The following MMS22L variants were observed in gnomAD, a reference collection of about 807,000 sequenced individuals.
The protein encoded by MMS22L is protein MMS22-like.
A neutral mutation model predicts 159.1 loss-of-function variants in MMS22L; 74 were observed. The ratio of observed to expected loss-of-function variants is 0.47; its 90% CI spans 0.39 to 0.56. The LOEUF (loss-of-function observed/expected upper bound fraction) is 0.56. Ranked by LOEUF, MMS22L falls within the 20% of genes least tolerant of loss-of-function variation. The pLI is 0.00. For synonymous variants in MMS22L, 517 were observed against 506.9 expected (o/e 1.02, Z -0.27); for missense variants, 1,351 against 1,422.1 (o/e 0.95, Z 0.80).
intron 14 of MMS22L, among the ~76,000 whole-genome samples, chr6:97,212,005 T>A (rs1808432470): frequency 6.6e-6 from 1 of 152,236 alleles, no homozygotes; most frequent in African/African-American, 2.4e-5. Flanking sequence ...ACATGCTTTA[T>A]TTTATGTAGG....
At chr6:97,177,874 A>G in intron 18 of MMS22L, among the ~76,000 whole-genome samples, 1 of 152,188 alleles carries the variant, frequency 6.6e-6, no homozygotes, top group Non-Finnish European at 1.5e-5. Context: ...ATCCAAACAC[A>G]TTAACAACTA....
intron 22 of MMS22L, among the ~76,000 whole-genome samples, chr6:97,153,862 T>G (rs1380229721): frequency 6.6e-6 from 1 of 152,186 alleles, no homozygotes; most frequent in African/African-American, 2.4e-5. Flanking sequence ...TTTAAATTGA[T>G]CCATCAAACG....
At chr6:97,179,653 A>T in intron 16 of MMS22L, 94 bp from the exon 17 acceptor site, 1 of 1,095,648 alleles carries the variant, frequency 9.1e-7, no homozygotes, top group Non-Finnish European at 1.2e-6. Flanking sequence ...CATCCCTGCA[A>T]CTCCTTGGCC....
intron 22 of MMS22L, among the ~76,000 whole-genome samples, chr6:97,159,446 C>A (rs1309041609): frequency 6.6e-6 from 1 of 151,876 alleles, no homozygotes; most frequent in African/African-American, 2.4e-5. Flanking sequence ...TTATTTCTCT[C>A]CCTTTTTGTG....
At chr6:97,245,069 T>C (rs1230479982) in intron 11 of MMS22L, among the ~76,000 whole-genome samples, 1 of 152,080 alleles carries the variant, frequency 6.6e-6, no homozygotes, top group Non-Finnish European at 1.5e-5. Flanking sequence ...CCAACAGAGC[T>C]GAATTTATAT....
chr6:97,242,918 A>G (rs1812236509), intron 11 of MMS22L, among the ~76,000 whole-genome samples: 1 of 152,178 alleles, frequency 6.6e-6, no homozygotes, highest in African/African-American at 2.4e-5. Context: ...AATCCCTTCT[A>G]GCTTGTATTC....
chr6:97,231,687 A>C (rs776795822), intron 12 of MMS22L, 35 bp from the exon 13 acceptor site: 1 of 1,442,648 alleles, frequency 6.9e-7, no homozygotes, highest in Admixed American at 1.8e-5. Context: ...GAAAACAATT[A>C]TTAGTCTCTT....
At chr6:97,240,679 T>A (rs1201759148) in intron 11 of MMS22L, among the ~76,000 whole-genome samples, 1 of 151,738 alleles carries the variant, frequency 6.6e-6, no homozygotes, top group Non-Finnish European at 1.5e-5. Flanking sequence ...TAGGCTATAG[T>A]GCAATGGCGT....
At position 97,192,503 on chromosome 6, in the gene MMS22L, T is replaced by C. The variant is rs140131853; in HGVS notation, c.2040-5813A>G. 1.1e-3 allele frequency among the ~76,000 whole-genome samples: 163 copies of C among 152,284 alleles called. 1 individual carries two copies. The highest frequency in any genetic ancestry group is 0.01 in the Middle Eastern group (3 of 294). ...TAAAGTCACAGCATTTAGGTAAAAATACTTTGTAGACAAGGCAAAATAATA... is the reference window on the plus strand; with the variant it reads ...TAAAGTCACAGCATTTAGGTAAAAACACTTTGTAGACAAGGCAAAATAATA... On this transcript the variant is annotated intron_variant, in intron 14 of 24. Coordinates refer to ENST00000683635, the MANE Select transcript of MMS22L (RefSeq NM_001350599.2).
chr6:97,216,627 A>G (rs898687214), intron 14 of MMS22L, among the ~76,000 whole-genome samples: 2 of 152,210 alleles, frequency 1.3e-5, no homozygotes, highest in Non-Finnish European at 1.5e-5. Context: ...TATACTTACT[A>G]TGACAGCCTG....
At chr6:97,270,995 GCTTA>G (rs1476703159) in intron 6 of MMS22L, 1 of 152,050 alleles carries the variant, frequency 6.6e-6, no homozygotes, top group African/African-American at 2.4e-5. Context: ...TAGAAAGTCA[GCTTA>G]CTTGATGAAA....
intron 24 of MMS22L, 35 bp downstream of exon 24, chr6:97,149,818 T>C: frequency 1.3e-6 from 2 of 1,517,352 alleles, no homozygotes; most frequent in East Asian, 4.7e-5. Context: ...TTATAATCAC[T>C]GCCCCCCCCA....
intron 7 of MMS22L, among the ~76,000 whole-genome samples, 169 bp downstream of exon 7, chr6:97,269,733 T>C (rs987517388): frequency 6.6e-6 from 1 of 152,172 alleles, no homozygotes; most frequent in East Asian, 1.9e-4. Context: ...TAAACCAAGC[T>C]GTTCCCAATA....
Position 97,231,609 on chromosome 6 carries a change from G to T in MMS22L, c.1346C>A (p.Ala449Asp). ...AGACAAGGGTGACTTCATGGTATTA[G>T]CAAGGCCTTTAAAAGGAAGCCAAGA... ...SISWLPFKGL[A>D]NTMKSPLSML... Residue 449 changes from alanine (A) to aspartate (D), a missense_variant, in exon 13 of 25, where the codon GCT becomes GAT. Transcript: ENST00000683635. 6.2e-7 allele frequency: 1 copy of T among 1,613,568 alleles called. No homozygotes were observed. Among genetic ancestry groups the T allele is most frequent in the Non-Finnish European group, 8.5e-7 (1 of 1,179,710 alleles).
At chr6:97,269,759 A>G in intron 7 of MMS22L, 143 bp downstream of exon 7, 1 of 583,202 alleles carries the variant, frequency 1.7e-6, no homozygotes, top group Non-Finnish European at 2.9e-6. Flanking sequence ...CTCTGGAAAG[A>G]AAGGAGTAAA....
chr6:97,228,702 T>C (rs1212035033), intron 14 of MMS22L, among the ~76,000 whole-genome samples, 192 bp downstream of exon 14: 1 of 152,194 alleles, frequency 6.6e-6, no homozygotes, highest in East Asian at 1.9e-4. Flanking sequence ...GCTTTTCATA[T>C]AATAGCATTT....
intron 10 of MMS22L, among the ~76,000 whole-genome samples, chr6:97,249,616 TTAAG>T (rs1282433048): frequency 6.6e-6 from 1 of 152,200 alleles, no homozygotes; most frequent in African/African-American, 2.4e-5. Flanking sequence ...GAAAACATAA[TTAAG>T]TCTCAGAAAG....
At chr6:97,281,049 C>T (rs533652789) in intron 3 of MMS22L, among the ~76,000 whole-genome samples, 188 bp downstream of exon 3, 3 of 152,044 alleles carry the variant, frequency 2.0e-5, no homozygotes, top group Non-Finnish European at 2.9e-5. Context: ...ATTCTGAAAA[C>T]GCAACTCATT....
chr6:97,278,202 C>T (rs1019077559), intron 4 of MMS22L, among the ~76,000 whole-genome samples: 5 of 151,998 alleles, frequency 3.3e-5, no homozygotes, highest in Non-Finnish European at 7.4e-5. Flanking sequence ...CAGGAGTTTG[C>T]GATCAGCCTG....
Sources: gnomAD v4.1 joint callset for allele counts (sites outside exome capture counted in the v4.1 genomes callset) on GRCh38, gnomAD v4.1.1 for gene constraint, MANE v1.5 for transcripts, NCBI Gene and HGNC (gene_info 2026-07-23, HGNC 2026-07-21) for gene names.